Variants in PCBP3 observed in about 807,000 individuals in gnomAD.
PCBP3 encodes poly(rC)-binding protein 3.
PCBP3 carries 25 observed loss-of-function variants against 52.7 expected under a neutral mutation model. The observed-to-expected ratio is 0.47, with a 90% CI of 0.35 to 0.66. The LOEUF (loss-of-function observed/expected upper bound fraction) is 0.66, where lower values mean the gene tolerates loss of function less well. Among genes scored for constraint, PCBP3 ranks in the 30% least tolerant of loss-of-function variants. PCBP3 has a pLI of 0.01. For synonymous variants in PCBP3, 162 were observed against 183.0 expected, an observed-to-expected ratio of 0.89 and a Z score of 0.93; for missense variants, 391 against 490.3, an observed-to-expected ratio of 0.80 and a Z score of 1.91.
intron 2 of PCBP3, among the ~76,000 whole-genome samples, chr21:45,728,910 G>A (rs2085252600): frequency 6.6e-6 from 1 of 152,114 alleles, no homozygotes; most frequent in South Asian, 2.1e-4. Flanking sequence ...CACTTAAAAT[G>A]CAATTAAAGT....
At chr21:45,907,042 C>T (rs761736310) in intron 9 of PCBP3, among the ~76,000 whole-genome samples, 56 of 152,258 alleles carry the variant, frequency 3.7e-4, no homozygotes, top group Non-Finnish European at 3.4e-4. Context: ...ACCCTGAGAG[C>T]TGAAGGCCAG....
At chr21:45,893,164 G>A (rs2148965062) in intron 5 of PCBP3, among the ~76,000 whole-genome samples, 1 of 152,192 alleles carries the variant, frequency 6.6e-6, no homozygotes, top group East Asian at 1.9e-4. Context: ...GTGGGGTGAT[G>A]GATGAGGCCT....
At chr21:45,761,155 G>C (rs1278699513) in intron 4 of PCBP3, 2 of 151,966 alleles carry the variant, frequency 1.3e-5, no homozygotes, top group Non-Finnish European at 2.9e-5. Flanking sequence ...GCCACGTGGA[G>C]CCTTTCAGGG....
rs554322353 is a variant in PCBP3, at chr21:45,745,943, C to G, written c.-161-9474C>G. ...GTGTCAGTCCATTGACGTAGCGCCA[C>G]ACGGTGTTGTGTCAGCATCGCTGTG... On this transcript the variant is annotated intron_variant, in intron 3 of 17. Transcript: ENST00000681687. Among the ~76,000 whole-genome samples the G allele has an allele frequency of 2.0e-5, 3 of 151,120 alleles. No individual in the cohort carries two copies. The South Asian group carries it at 6.3e-4, about 32-fold the overall frequency.
At chr21:45,865,390 G>A (rs911259140) in intron 5 of PCBP3, among the ~76,000 whole-genome samples, 9 of 152,314 alleles carry the variant, frequency 5.9e-5, no homozygotes, top group Middle Eastern at 3.4e-3. Flanking sequence ...CATGCCCTGC[G>A]CGGCCGGTGC....
At chr21:45,646,100 T>G (rs1389102339) in intron 1 of PCBP3, among the ~76,000 whole-genome samples, 5 of 99,672 alleles carry the variant, frequency 5.0e-5, no homozygotes, top group African/African-American at 1.8e-4. Flanking sequence ...TCTCTCTCTC[T>G]CTCTCTCTGT....
At position 45,942,186 on chromosome 21, in the gene PCBP3, C is replaced by A. The variant is rs1028951589; in HGVS notation, c.*480C>A. On this transcript the variant is annotated 3_prime_UTR_variant, in exon 18 of 18. Transcript: ENST00000681687. The stretch of plus-strand genomic sequence containing the variant: ...GTTGTCTGGGCTCGAGTTTCTGCCC[C>A]AGGTTGTGTGCTGGAATCGGGGGGT... 8.5e-5 allele frequency: 13 copies of A among 153,558 alleles called. No homozygotes were observed. Among genetic ancestry groups the A allele is most frequent in the Non-Finnish European group, 1.5e-5 (1 of 68,964 alleles). 9.5% of individuals were successfully genotyped at this position (153,558 alleles called of 1,614,324 possible).
chr21:45,672,208 C>G (rs2081215384), intron 2 of PCBP3, among the ~76,000 whole-genome samples: 1 of 152,140 alleles, frequency 6.6e-6, no homozygotes, highest in Admixed American at 6.5e-5. Flanking sequence ...TGCACCACCT[C>G]AGGACTCTGC....
At chr21:45,852,178 A>G (rs975565186) in intron 5 of PCBP3, among the ~76,000 whole-genome samples, 2 of 152,244 alleles carry the variant, frequency 1.3e-5, no homozygotes, top group African/African-American at 4.8e-5. Flanking sequence ...AATAATGTAT[A>G]CGTGTATTGC....
In PCBP3 at chr21:45,901,023, G is replaced by A; in HGVS notation, c.249G>A (p.Glu83=). 1 of 1,613,956 alleles carries A rather than the reference G, an allele frequency of 6.2e-7. No individual in the cohort carries two copies. Among genetic ancestry groups the A allele is most frequent in the East Asian group, 2.2e-5 (1 of 44,878 alleles). Residue 83 remains glutamate (E), a synonymous_variant, in exon 9 of 18, where the codon GAG becomes GAA. Transcript: ENST00000681687. Reference sequence around the variant, plus strand: ...GTGGTGCAAGGATCAACATCTCAGAGGGAAACTGCCCAGAGAGGATTGTGA... The same window carrying A: ...GTGGTGCAAGGATCAACATCTCAGAAGGAAACTGCCCAGAGAGGATTGTGA... ...EESGARINIS[E]GNCPERIVTI...
chr21:45,846,826 T>G (rs1161617552), intron 4 of PCBP3, among the ~76,000 whole-genome samples: 1 of 152,248 alleles, frequency 6.6e-6, no homozygotes, highest in Non-Finnish European at 1.5e-5. Flanking sequence ...CTCTTCAGCC[T>G]GGTGCGCTGG....
At chr21:45,650,023 G>T (rs2079574623) in intron 1 of PCBP3, among the ~76,000 whole-genome samples, 1 of 151,944 alleles carries the variant, frequency 6.6e-6, no homozygotes, top group African/African-American at 2.4e-5. Context: ...AAACTGTGAT[G>T]TACTACATTA....
intron 2 of PCBP3, 24 bp downstream of exon 2, chr21:45,668,976 T>C (rs1274246101): frequency 6.6e-6 from 1 of 152,222 alleles, no homozygotes; most frequent in Non-Finnish European, 1.5e-5. Context: ...ATAAAGGATT[T>C]TCCAATTATC....
chr21:45,909,399 C>T lies in PCBP3; in HGVS notation c.384C>T (p.Pro128=), dbSNP rs1283915424. 1.2e-6 allele frequency: 2 copies of T among 1,613,410 alleles called. No individual in the cohort carries two copies. The highest frequency in any genetic ancestry group is 1.7e-6 in the Non-Finnish European group (2 of 1,179,782). ...SMSNSPATSK[P]PVTLRLVVPA... is the part of the protein sequence containing the mutation. ...GCAACAGCCCTGCCACCAGCAAGCC[C>T]CCAGTGACGCTGAGGCTGGTGGTGC... The change falls in exon 10 of 18, where the codon CCC becomes CCT. Residue 128 remains proline (P), a synonymous_variant. Transcript: ENST00000681687.
At chr21:45,749,866 C>T (rs1197521785) in intron 3 of PCBP3, 1 of 152,202 alleles carries the variant, frequency 6.6e-6, no homozygotes, top group Non-Finnish European at 1.5e-5. Context: ...TATTATTTTC[C>T]CTCCAGCACA....
At chr21:45,790,227 G>A (rs939954451) in intron 4 of PCBP3, among the ~76,000 whole-genome samples, 1 of 152,168 alleles carries the variant, frequency 6.6e-6, no homozygotes, top group African/African-American at 2.4e-5. Context: ...CAGGTGAGAG[G>A]TGGTCCCGAG....
chr21:45,921,391 C>T (rs780278465), intron 13 of PCBP3, among the ~76,000 whole-genome samples: 40 of 152,182 alleles, frequency 2.6e-4, no homozygotes, highest in Admixed American at 2.6e-4. Flanking sequence ...TAAGAAACAT[C>T]AAGCATAAGA....
At chr21:45,939,807 C>G (rs919754967) in intron 16 of PCBP3, among the ~76,000 whole-genome samples, 2 of 152,186 alleles carry the variant, frequency 1.3e-5, no homozygotes, top group African/African-American at 4.8e-5. Context: ...GAGGGGCCAG[C>G]AGAGGCACAG....
chr21:45,795,459 G>GA (rs991393247), intron 4 of PCBP3, among the ~76,000 whole-genome samples: 1 of 151,510 alleles, frequency 6.6e-6, no homozygotes, highest in Non-Finnish European at 1.5e-5. Context: ...AGTAAAAGTG[G>GA]AAAAAAACAC....
Sources: gnomAD v4.1 joint callset for allele counts (sites outside exome capture counted in the v4.1 genomes callset) on GRCh38, gnomAD v4.1.1 for gene constraint, MANE v1.5 for transcripts, NCBI Gene and HGNC (gene_info 2026-07-23, HGNC 2026-07-21) for gene names.